Variants in PYCR1 observed in about 807,000 individuals in gnomAD.
The protein encoded by PYCR1 is pyrroline-5-carboxylate reductase 1, mitochondrial.
In PYCR1, 19 loss-of-function variants were observed where a neutral mutation model predicts 22.9. The ratio of observed to expected loss-of-function variants is 0.83; its 90% confidence interval spans 0.58 to 1.22. PYCR1 has a LOEUF of 1.22. Ranked by LOEUF, PYCR1 falls within the 50% of genes most tolerant of loss-of-function variation. PYCR1 has a pLI of 0.00. For missense variants in PYCR1, 429 were observed against 431.3 expected (o/e 0.99, Z 0.05); for synonymous variants, 175 against 180.5 (o/e 0.97, Z 0.24).
intron 2 of PYCR1, 78 bp downstream of exon 2, chr17:81,936,045 G>C: frequency 1.3e-6 from 2 of 1,516,746 alleles, no homozygotes; most frequent in South Asian, 2.3e-5. Flanking sequence ...TGGGGTGGGG[G>C]CTACAGCACA....
At position 81,937,134 on chromosome 17, in the gene PYCR1, TA is replaced by T. The variant is rs2041222858; in HGVS notation, c.-321del. On this transcript the variant is annotated 5_prime_UTR_variant, in exon 1 of 7. The change abolishes the stop of an existing upstream ORF in the 5' untranslated region. Coordinates refer to ENST00000329875, the MANE Select transcript of PYCR1 (RefSeq NM_006907.4). ...ACGGGGAGAGGGAGGGCCCGGCGCC[TA>T]GGGGTCCCCCGTCTGGGTTCCCACC... 1 of 1,430,730 alleles carries T rather than the reference TA, an allele frequency of 7.0e-7. No homozygotes were observed. 88.6% of individuals were successfully genotyped at this position (1,430,730 alleles called of 1,614,324 possible).
intron 6 of PYCR1, 77 bp from the exon 7 acceptor site, chr17:81,933,453 G>A: frequency 6.4e-7 from 1 of 1,552,384 alleles, no homozygotes; most frequent in Non-Finnish European, 8.8e-7. Flanking sequence ...ACAGCTCCCA[G>A]TGCCAGTCAG....
rs199931145 is a variant in PYCR1 at position 81,934,620 on chromosome 17, T to C, written c.633+33A>G. On this transcript the variant is annotated intron_variant, in intron 5 of 6. Coordinates refer to ENST00000329875, the MANE Select transcript of PYCR1 (RefSeq NM_006907.4). The stretch of plus-strand genomic sequence containing the variant: ...TGAAGCCCCAGGGCCCCGCAAAGAG[T>C]GGCCCCACCAGAGGGTCAGGAAACA... 2.2e-3 allele frequency: 3,452 copies of C among 1,550,120 alleles called. 4 individuals carry two copies. Among genetic ancestry groups the C allele is most frequent in the Non-Finnish European group, 2.8e-3 (3,168 of 1,145,492 alleles).
chr17:81,935,454 G>A lies in PYCR1; in HGVS notation c.201C>T (p.Phe67=). Residue 67 remains phenylalanine, a synonymous_variant, in exon 3 of 7, where the codon TTC becomes TTT. Coordinates refer to ENST00000329875, the MANE Select transcript of PYCR1 (RefSeq NM_006907.4). Reference sequence around the variant, plus strand: ...GGATGATGTGTGGCTTCACAGCCAGGAAGAGCACATCACTGTGCTGCACCG... The same window carrying A: ...GGATGATGTGTGGCTTCACAGCCAGAAAGAGCACATCACTGTGCTGCACCG... ...KETVQHSDVL[F]LAVKPHIIPF... 2 of 1,613,444 alleles carry A rather than the reference G, an allele frequency of 1.2e-6. No individual in the cohort carries two copies. The highest frequency in any genetic ancestry group is 1.7e-6 in the Non-Finnish European group (2 of 1,179,894).
chr17:81,934,098 C>T, intron 6 of PYCR1: 2 of 634,544 alleles, frequency 3.2e-6, no homozygotes, highest in Non-Finnish European at 2.8e-6. Flanking sequence ...GCACAGGGCA[C>T]AGCATCCGGG....
Position 81,932,742 on chromosome 17 carries a change from G to C in PYCR1, c.*472C>G. 1 of 1,263,682 alleles carries C rather than the reference G, an allele frequency of 7.9e-7. No homozygotes were observed. The highest frequency in any genetic ancestry group is 1.1e-6 in the Non-Finnish European group (1 of 905,550). 78.3% of individuals were successfully genotyped at this position (1,263,682 alleles called of 1,614,324 possible). A position where few individuals can be genotyped will look rare whatever the true frequency, so the allele number is the denominator to read the frequency against. ...GGCTGTGGCCCTTCACGCTGGACTTGGGATGCCTGGACCCTCTGGCCCTTC... is the reference window on the plus strand; with the variant it reads ...GGCTGTGGCCCTTCACGCTGGACTTCGGATGCCTGGACCCTCTGGCCCTTC... On this transcript the variant is annotated 3_prime_UTR_variant, in exon 7 of 7. Coordinates refer to ENST00000329875, the MANE Select transcript of PYCR1 (RefSeq NM_006907.4).
rs1567928845 is a variant in PYCR1, at chr17:81,937,230, C to G, written c.-416G>C. The G allele has an allele frequency of 2.1e-6, 3 of 1,459,666 alleles. No individual in the cohort carries two copies. The Admixed American group carries it at 7.5e-5, about 37-fold the overall frequency. 90.4% of individuals were successfully genotyped at this position (1,459,666 alleles called of 1,614,324 possible). On this transcript the variant is annotated 5_prime_UTR_variant, in exon 1 of 7. Coordinates refer to ENST00000329875, the MANE Select transcript of PYCR1 (RefSeq NM_006907.4). ...GCCCACCATTCCCGGAGCCCGACCC[C>G]AACCCAGCTACCGTGCGCGGGTCGT... is the stretch of plus-strand genomic sequence containing the variant.
chr17:81,933,204 G>A lies in PYCR1; in HGVS notation c.*10C>T, dbSNP rs1272988938. Reference sequence around the variant, plus strand: ...AAGGTGGTGGCAGGATGGTGGTCAGGCAGGACGTGTCAATCCTTGCCCGCT... The same window carrying A: ...AAGGTGGTGGCAGGATGGTGGTCAGACAGGACGTGTCAATCCTTGCCCGCT... On this transcript the variant is annotated 3_prime_UTR_variant, in exon 7 of 7. Transcript: ENST00000329875. 2 of 1,613,618 alleles carry A rather than the reference G, an allele frequency of 1.2e-6. No homozygotes were observed. Among genetic ancestry groups the A allele is most frequent in the East Asian group, 2.2e-5 (1 of 44,880 alleles).
At chr17:81,935,605 GA>G in intron 2 of PYCR1, 89 bp from the exon 3 acceptor site, 1 of 681,800 alleles carries the variant, frequency 1.5e-6, no homozygotes, top group Non-Finnish European at 2.4e-6. Flanking sequence ...ATGGCACAGA[GA>G]ATGCTGGAGT....
rs914285595 is a variant in PYCR1, at chr17:81,932,586, C to T, written c.*628G>A. 1 of 460,624 alleles carries T rather than the reference C, an allele frequency of 2.2e-6. No individual in the cohort carries two copies. Among genetic ancestry groups the T allele is most frequent in the Non-Finnish European group, 4.0e-6 (1 of 248,486 alleles). 28.5% of individuals were successfully genotyped at this position (460,624 alleles called of 1,614,324 possible). On this transcript the variant is annotated 3_prime_UTR_variant, in exon 7 of 7. Transcript: ENST00000329875. ...AAACCAACTTATAAAACTGAAAGGG[C>T]CAGGACAGAACTGATAGCACCCTCC...
chr17:81,937,091 CT>C lies in PYCR1; in HGVS notation c.-278del. Reference sequence around the variant, plus strand: ...GGTGGAGGTTCCGCAGAAGAAATGACTGGGAAGGGGGAAAAGTACGGGGAGA... The same window carrying C: ...GGTGGAGGTTCCGCAGAAGAAATGACGGGAAGGGGGAAAAGTACGGGGAGA... On this transcript the variant is annotated 5_prime_UTR_variant, in exon 1 of 7. Coordinates refer to ENST00000329875, the MANE Select transcript of PYCR1 (RefSeq NM_006907.4). 2 of 1,429,738 alleles carry C rather than the reference CT, an allele frequency of 1.4e-6. No individual in the cohort carries two copies. The highest frequency in any genetic ancestry group is 2.9e-5 in the Admixed American group (1 of 35,066). 88.6% of individuals were successfully genotyped at this position (1,429,738 alleles called of 1,614,324 possible).
chr17:81,933,482 C>T, intron 6 of PYCR1, 106 bp from the exon 7 acceptor site: 1 of 1,369,144 alleles, frequency 7.3e-7, no homozygotes, highest in African/African-American at 1.4e-5. Context: ...GATGCTGTCA[C>T]CCTCACCTCA....
Position 81,934,916 on chromosome 17 carries a change from C to T in PYCR1, c.540+10G>A, listed in dbSNP as rs372117836. On this transcript the variant is annotated intron_variant, in intron 4 of 6. Transcript: ENST00000329875. ...TGCCCGCCGCCGCCAGCTTCCCCCG[C>T]AGTCCTTACGTAGGCGGGGCCGCTG... 6.2e-7 allele frequency: 1 copy of T among 1,609,924 alleles called. No homozygotes were observed. Among genetic ancestry groups the T allele is most frequent in the East Asian group, 2.2e-5 (1 of 44,866 alleles).
intron 1 of PYCR1, among the ~76,000 whole-genome samples, chr17:81,936,484 C>G (rs1455830537): frequency 6.6e-6 from 1 of 152,220 alleles, no homozygotes; most frequent in Non-Finnish European, 1.5e-5. Flanking sequence ...CTCGGCCTCC[C>G]AAAGTGCTGG....
chr17:81,935,998 G>T, intron 2 of PYCR1, 125 bp downstream of exon 2: 1 of 1,030,782 alleles, frequency 9.7e-7, no homozygotes, highest in Non-Finnish European at 1.5e-6. Flanking sequence ...GAGGAGGTGG[G>T]GTCCATGAGA....
At position 81,937,032 on chromosome 17, in the gene PYCR1, G is replaced by C. The variant is rs1487391192; in HGVS notation, c.-218C>G. On this transcript the variant is annotated 5_prime_UTR_variant, in exon 1 of 7. Coordinates refer to ENST00000329875, the MANE Select transcript of PYCR1 (RefSeq NM_006907.4). ...GCCCCCAGTCAGAGCGGCGGTGCCT[G>C]GCCTGCTGCCTAGGGTCCCGCACCC... 2 of 1,453,896 alleles carry C rather than the reference G, an allele frequency of 1.4e-6. No individual in the cohort carries two copies. Among genetic ancestry groups the C allele is most frequent in the Non-Finnish European group, 1.8e-6 (2 of 1,104,982 alleles). 90.1% of individuals were successfully genotyped at this position (1,453,896 alleles called of 1,614,324 possible). A position where few individuals can be genotyped will look rare whatever the true frequency, so the allele number is the denominator to read the frequency against.
chr17:81,932,776 G>A lies in PYCR1; in HGVS notation c.*438C>T, dbSNP rs2041022162. The A allele has an allele frequency of 6.9e-7, 1 of 1,459,722 alleles. No individual in the cohort carries two copies. The highest frequency in any genetic ancestry group is 9.3e-7 in the Non-Finnish European group (1 of 1,077,584). 90.4% of individuals were successfully genotyped at this position (1,459,722 alleles called of 1,614,324 possible). A position where few individuals can be genotyped will look rare whatever the true frequency, so the allele number is the denominator to read the frequency against. On this transcript the variant is annotated 3_prime_UTR_variant, in exon 7 of 7. Coordinates refer to ENST00000329875, the MANE Select transcript of PYCR1 (RefSeq NM_006907.4). ...GGACCCTCTGGCCCTTCTCACACGG[G>A]AAGGAGAGGTTTCTCCCTGAATGGA... is the stretch of plus-strand genomic sequence containing the variant.
chr17:81,934,246 T>A (rs2041088481), intron 6 of PYCR1, 80 bp downstream of exon 6: 1 of 1,573,022 alleles, frequency 6.4e-7, no homozygotes, highest in Non-Finnish European at 8.6e-7. Context: ...GCTGAGTGCG[T>A]GAATGAGCAG....
chr17:81,933,304 C>A lies in PYCR1; in HGVS notation c.870G>T (p.Val290=). 1 of 1,614,038 alleles carries A rather than the reference C, an allele frequency of 6.2e-7. No homozygotes were observed. Residue 290 remains valine (V), a synonymous_variant, in exon 7 of 7, where the codon GTG becomes GTT. Coordinates refer to ENST00000329875, the MANE Select transcript of PYCR1 (RefSeq NM_006907.4). ...AAIKKTILDK[V]KLDSPAGTAL... ...CGGTCCCTGCAGGGGAGTCCAGCTT[C>A]ACCTTGTCCAGGATGGTCTTCTTGA...
Sources: gnomAD v4.1 joint callset for allele counts (sites outside exome capture counted in the v4.1 genomes callset) on GRCh38, gnomAD v4.1.1 for gene constraint, MANE v1.5 for transcripts, NCBI Gene and HGNC (gene_info 2026-07-23, HGNC 2026-07-21) for gene names.